Variants in ARID5B observed in about 807,000 individuals in gnomAD.
The protein encoded by ARID5B is AT-rich interactive domain-containing protein 5B.
Under a neutral mutation model 97.2 loss-of-function variants are expected in ARID5B, and 13 were observed. The observed-to-expected ratio is 0.13, with a 90% confidence interval of 0.09 to 0.21. ARID5B has a LOEUF of 0.21. Among genes scored for constraint, ARID5B ranks in the 10% least tolerant of loss-of-function variants. The pLI is 1.00. For missense variants in ARID5B, 1,210 were observed against 1,465.3 expected (o/e 0.83, Z 2.84); for synonymous variants, 556 against 570.3 (o/e 0.97, Z 0.36).
chr10:62,044,511 G>A (rs1839681586), intron 4 of ARID5B, among the ~76,000 whole-genome samples: 1 of 151,200 alleles, frequency 6.6e-6, no homozygotes, highest in Non-Finnish European at 1.5e-5. Flanking sequence ...CTCCCAACTA[G>A]CTAGGACTAC....
At chr10:62,087,277 T>C (rs1334566908) in intron 9 of ARID5B, among the ~76,000 whole-genome samples, 9 of 95,568 alleles carry the variant, frequency 9.4e-5, no homozygotes, top group Admixed American at 2.0e-4. Context: ...CCAGCCTGGG[T>C]GACAGAGAGA....
intron 4 of ARID5B, among the ~76,000 whole-genome samples, chr10:62,014,723 G>A (rs1309529995): frequency 4.6e-5 from 7 of 152,032 alleles, no homozygotes; most frequent in Admixed American, 4.6e-4. Context: ...GCACTTTTTT[G>A]GATCTCAGGT....
At chr10:61,934,318 C>CTTAT (rs1329498235) in intron 2 of ARID5B, among the ~76,000 whole-genome samples, 3 of 152,192 alleles carry the variant, frequency 2.0e-5, no homozygotes, top group Non-Finnish European at 4.4e-5. Flanking sequence ...GTTTTGCCTT[C>CTTAT]TTATCATTTG....
intron 3 of ARID5B, among the ~76,000 whole-genome samples, chr10:61,958,447 A>G (rs1159348914): frequency 6.6e-6 from 1 of 151,860 alleles, no homozygotes; most frequent in Non-Finnish European, 1.5e-5. Context: ...AGGCTGGTCT[A>G]GATCTCCTGA....
At chr10:61,982,950 C>T (rs1286186154) in intron 3 of ARID5B, among the ~76,000 whole-genome samples, 1 of 152,194 alleles carries the variant, frequency 6.6e-6, no homozygotes, top group Admixed American at 6.5e-5. Flanking sequence ...GTAAGGATGA[C>T]TTTAAATAAC....
intron 8 of ARID5B, among the ~76,000 whole-genome samples, chr10:62,075,858 G>A (rs781409434): frequency 1.4e-4 from 21 of 152,186 alleles, no homozygotes; most frequent in Non-Finnish European, 2.8e-4. Context: ...CTACTGGCCT[G>A]TTGCATTTTC....
intron 3 of ARID5B, among the ~76,000 whole-genome samples, chr10:61,950,389 C>T (rs1838307131): frequency 6.6e-6 from 1 of 152,182 alleles, no homozygotes; most frequent in Admixed American, 6.5e-5. Flanking sequence ...TGAGGTCTGT[C>T]TGGGCACAGT....
chr10:62,091,943 T>G lies in ARID5B; in HGVS notation c.2480T>G (p.Phe827Cys). The change falls in exon 10 of 10, where the codon TTC becomes TGC. Residue 827 changes from phenylalanine to cysteine, a missense_variant. By Grantham distance (205) the Phe-to-Cys change is radical (BLOSUM62 -2). Coordinates refer to ENST00000279873, the MANE Select transcript of ARID5B (RefSeq NM_032199.3). ...CTCCCCCATTCCCACATGCCTAGCT[T>G]CCTGGCTGACTTCTACTCGTCCCCT... is the stretch of plus-strand genomic sequence containing the variant. ...RALPHSHMPS[F>C]LADFYSSPHL... The G allele has an allele frequency of 6.2e-7, 1 of 1,613,494 alleles. No homozygotes were observed. The highest frequency in any genetic ancestry group is 8.5e-7 in the Non-Finnish European group (1 of 1,179,810).
At chr10:62,003,992 A>G (rs1431811026) in intron 4 of ARID5B, among the ~76,000 whole-genome samples, 1 of 152,196 alleles carries the variant, frequency 6.6e-6, no homozygotes, top group Non-Finnish European at 1.5e-5. Flanking sequence ...TTGATTAGAA[A>G]CTATTAAAGA....
intron 2 of ARID5B, among the ~76,000 whole-genome samples, chr10:61,931,193 C>A (rs1409923370): frequency 6.6e-6 from 1 of 152,144 alleles, no homozygotes; most frequent in African/African-American, 2.4e-5. Context: ...TTGAGGGCCC[C>A]AAGGAGCTTT....
chr10:61,995,167 T>C (rs1359948173), intron 3 of ARID5B, among the ~76,000 whole-genome samples: 2 of 152,226 alleles, frequency 1.3e-5, no homozygotes, highest in Non-Finnish European at 2.9e-5. Flanking sequence ...ATGGGTGTGG[T>C]TGAAAGAAAA....
chr10:61,993,875 A>G (rs761006170), intron 3 of ARID5B, among the ~76,000 whole-genome samples: 4 of 152,252 alleles, frequency 2.6e-5, no homozygotes, highest in African/African-American at 4.8e-5. Context: ...AGGAGGAAGC[A>G]TAAATCATTG....
At chr10:61,904,634 A>G (rs756879667) in intron 2 of ARID5B, among the ~76,000 whole-genome samples, 7 of 152,238 alleles carry the variant, frequency 4.6e-5, no homozygotes, top group Non-Finnish European at 8.8e-5. Context: ...AGCTGCATAT[A>G]CATCGTCTAA....
At chr10:62,030,717 C>CA (rs1839485884) in intron 4 of ARID5B, among the ~76,000 whole-genome samples, 2 of 152,210 alleles carry the variant, frequency 1.3e-5, no homozygotes, top group South Asian at 4.1e-4. Flanking sequence ...CAGTTTTAAA[C>CA]AAATTTTCCC....
At chr10:61,987,790 TATCTG>T (rs1219576398) in intron 3 of ARID5B, among the ~76,000 whole-genome samples, 1 of 152,186 alleles carries the variant, frequency 6.6e-6, no homozygotes, top group Non-Finnish European at 1.5e-5. Context: ...CTTAAAGAAA[TATCTG>T]AGAGATACCC....
At chr10:61,985,735 A>G (rs1300911733) in intron 3 of ARID5B, among the ~76,000 whole-genome samples, 1 of 152,176 alleles carries the variant, frequency 6.6e-6, no homozygotes, top group East Asian at 1.9e-4. Flanking sequence ...CTACGTGTGT[A>G]TGATGAGAAT....
intron 4 of ARID5B, among the ~76,000 whole-genome samples, chr10:62,021,005 C>T (rs1333812086): frequency 7.0e-6 from 1 of 142,400 alleles, no homozygotes; most frequent in Non-Finnish European, 1.5e-5. Flanking sequence ...TGGCAGTGCA[C>T]TGGGATCATG....
At chr10:62,068,387 C>A (rs1442122784) in intron 7 of ARID5B, among the ~76,000 whole-genome samples, 1 of 151,904 alleles carries the variant, frequency 6.6e-6, no homozygotes, top group Admixed American at 6.6e-5. Context: ...CCTATTTGGG[C>A]CTGTTGAGAA....
chr10:62,092,423 G>C lies in ARID5B; in HGVS notation c.2960G>C (p.Arg987Thr). The C allele has an allele frequency of 6.2e-7, 1 of 1,614,230 alleles. No individual in the cohort carries two copies. The highest frequency in any genetic ancestry group is 8.5e-7 in the Non-Finnish European group (1 of 1,180,034). Residue 987 changes from arginine to threonine, a missense_variant, in exon 10 of 10, where the codon AGG becomes ACG. By Grantham distance (71) the Arg-to-Thr change is moderately conservative. Transcript: ENST00000279873. ...KPHHVRLENF[R>T]KMEGMVHPIL... ...CACCATGTGAGACTGGAGAATTTCA[G>C]GAAGATGGAAGGCATGGTCCACCCA... is the stretch of plus-strand genomic sequence containing the variant.
Sources: allele counts gnomAD v4.1 joint callset (sites outside exome capture counted in the v4.1 genomes callset), GRCh38; gene constraint gnomAD v4.1.1; transcripts MANE v1.5; gene names NCBI Gene and HGNC (gene_info 2026-07-23, HGNC 2026-07-21).